The following KCNIP4 variants were observed in gnomAD, a reference collection of about 807,000 sequenced individuals.
KCNIP4 encodes potassium voltage-gated channel interacting protein 4, also known as Kv channel-interacting protein 4.
A neutral mutation model predicts 34.0 loss-of-function variants in KCNIP4; 12 were observed. That is an observed-to-expected ratio of 0.35 (90% CI 0.23 to 0.57). The LOEUF is 0.57. KCNIP4 is among the 20% of genes least tolerant of loss of function. The pLI is 0.83. For synonymous variants in KCNIP4, 124 were observed against 102.2 expected (o/e 1.21, Z -1.29); for missense variants, 238 against 311.7 (o/e 0.76, Z 1.78).
intron 1 of KCNIP4, among the ~76,000 whole-genome samples, chr4:21,602,831 A>G (rs143654969): frequency 6.6e-6 from 1 of 152,264 alleles, no homozygotes; most frequent in Admixed American, 6.5e-5. Flanking sequence ...CAAGGGAGGT[A>G]CTTTAAATCT....
intron 1 of KCNIP4, among the ~76,000 whole-genome samples, chr4:21,888,758 C>G (rs779405312): frequency 6.6e-6 from 1 of 152,094 alleles, no homozygotes; most frequent in African/African-American, 2.4e-5. Context: ...CAGCTACTGT[C>G]TTCATGACTC....
chr4:21,232,554 T>C (rs1304532860), intron 1 of KCNIP4, among the ~76,000 whole-genome samples: 1 of 152,204 alleles, frequency 6.6e-6, no homozygotes, highest in Non-Finnish European at 1.5e-5. Context: ...GAACAAAATA[T>C]AACTTATTCA....
chr4:21,893,656 T>C (rs1727228362), intron 1 of KCNIP4, among the ~76,000 whole-genome samples: 1 of 152,310 alleles, frequency 6.6e-6, no homozygotes, highest in East Asian at 1.9e-4. Context: ...GCCCCAACAG[T>C]AGATACTGAA....
At chr4:21,177,820 G>C (rs1400299085) in intron 1 of KCNIP4, among the ~76,000 whole-genome samples, 4 of 149,052 alleles carry the variant, frequency 2.7e-5, no homozygotes, top group Non-Finnish European at 5.9e-5. Context: ...TGCACTCCAG[G>C]CTGGGCAACA....
intron 1 of KCNIP4, among the ~76,000 whole-genome samples, chr4:20,976,097 G>A (rs1470787101): frequency 6.6e-6 from 1 of 152,162 alleles, no homozygotes; most frequent in Non-Finnish European, 1.5e-5. Flanking sequence ...CAGACAACTT[G>A]GCACAGAACA....
At chr4:21,634,690 A>C (rs181797520) in intron 1 of KCNIP4, among the ~76,000 whole-genome samples, 3 of 152,338 alleles carry the variant, frequency 2.0e-5, no homozygotes, top group Admixed American at 2.0e-4. Flanking sequence ...TTGGAATTTA[A>C]GGAGACATAT....
intron 3 of KCNIP4, among the ~76,000 whole-genome samples, chr4:20,766,077 T>C (rs2149371391): frequency 1.3e-5 from 2 of 152,330 alleles, no homozygotes; most frequent in South Asian, 4.1e-4. Context: ...ATTAAGCTAA[T>C]ACACATGAGC....
At chr4:21,486,706 A>T (rs1395470580) in intron 1 of KCNIP4, among the ~76,000 whole-genome samples, 1 of 152,210 alleles carries the variant, frequency 6.6e-6, no homozygotes, top group East Asian at 1.9e-4. Context: ...TTCTATAAAA[A>T]TTGCTAAGAT....
At chr4:21,862,479 T>C (rs1023407873) in intron 1 of KCNIP4, among the ~76,000 whole-genome samples, 3 of 151,892 alleles carry the variant, frequency 2.0e-5, no homozygotes. Context: ...GCCACAAAGA[T>C]AAAAAGGCAG....
chr4:21,385,811 G>A (rs1377914902), intron 1 of KCNIP4, among the ~76,000 whole-genome samples: 4 of 152,148 alleles, frequency 2.6e-5, no homozygotes, highest in Admixed American at 2.0e-4. Context: ...AGATTTAACT[G>A]TGGAATATCA....
chr4:21,387,512 TC>T (rs1722136294), intron 1 of KCNIP4, among the ~76,000 whole-genome samples: 1 of 152,190 alleles, frequency 6.6e-6, no homozygotes, highest in Admixed American at 6.5e-5. Context: ...TGATATGTCA[TC>T]AAAATTAACT....
At chr4:21,465,495 T>C (rs963251478) in intron 1 of KCNIP4, among the ~76,000 whole-genome samples, 7 of 152,160 alleles carry the variant, frequency 4.6e-5, no homozygotes, top group Non-Finnish European at 5.9e-5. Context: ...TCTAGGGCAA[T>C]GCCCAGTGTC....
intron 1 of KCNIP4, among the ~76,000 whole-genome samples, chr4:21,110,896 C>A (rs112129247): frequency 0.01 from 1,565 of 152,204 alleles, 27 homozygotes; most frequent in African/African-American, 0.036. Context: ...TGTTTATAAG[C>A]CACTCAGTCT....
At chr4:20,912,248 T>C (rs1728394887) in intron 1 of KCNIP4, among the ~76,000 whole-genome samples, 1 of 152,266 alleles carries the variant, frequency 6.6e-6, no homozygotes, top group Non-Finnish European at 1.5e-5. Flanking sequence ...GAAGCAAAAT[T>C]ATCTCCATTT....
chr4:21,832,494 A>T (rs1401007278), intron 1 of KCNIP4, among the ~76,000 whole-genome samples: 1 of 152,142 alleles, frequency 6.6e-6, no homozygotes, highest in Non-Finnish European at 1.5e-5. Context: ...GCAACTAATT[A>T]CCCATCTGAG....
At position 20,747,931 on chromosome 4, in the gene KCNIP4, A is replaced by G. The variant is rs573040978; in HGVS notation, c.429+1731T>C. Among the ~76,000 whole-genome samples, 5 of 152,196 alleles carry G rather than the reference A, an allele frequency of 3.3e-5. No individual in the cohort carries two copies. In the South Asian group the frequency reaches 8.3e-4, roughly 25 times the overall value. The stretch of plus-strand genomic sequence containing the variant: ...GCCCATATGAACTTTTCTTTTAAAC[A>G]TGACAGTTCTGTTGGAATACAATTC... On this transcript the variant is annotated intron_variant, in intron 5 of 8. Coordinates refer to ENST00000382152, the MANE Select transcript of KCNIP4 (RefSeq NM_025221.6).
rs370773391 is a variant in KCNIP4 at position 21,647,699 on chromosome 4, G to C, written c.61+300872C>G. On this transcript the variant is annotated intron_variant, in intron 1 of 8. Transcript: ENST00000382152. The stretch of plus-strand genomic sequence containing the variant: ...CTTCCTGCTAACTAGTATTCTCTCT[G>C]TGTCCATACACAAGACATGAACTTG... Among the ~76,000 whole-genome samples the C allele has an allele frequency of 9.9e-5, 15 of 151,872 alleles. No homozygotes were observed. In the East Asian group the frequency reaches 2.7e-3, roughly 28 times the overall value.
chr4:21,382,913 TC>T (rs1721651422), intron 1 of KCNIP4, among the ~76,000 whole-genome samples: 2 of 152,304 alleles, frequency 1.3e-5, no homozygotes, highest in South Asian at 4.2e-4. Context: ...GAATTGTGTC[TC>T]CCAAAATTCA....
chr4:21,267,942 A>T (rs1761917646), intron 1 of KCNIP4, among the ~76,000 whole-genome samples: 1 of 151,618 alleles, frequency 6.6e-6, no homozygotes, highest in African/African-American at 2.4e-5. Context: ...TCCTCCTTGT[A>T]CCTCTGGTAG....
Sources: allele counts gnomAD v4.1 joint callset (sites outside exome capture counted in the v4.1 genomes callset), GRCh38; gene constraint gnomAD v4.1.1; transcripts MANE v1.5; gene names NCBI Gene and HGNC (gene_info 2026-07-23, HGNC 2026-07-21).